The following ZNF451 variants were observed in gnomAD, a reference collection of about 807,000 sequenced individuals.
ZNF451 encodes zinc finger protein 451.
A neutral mutation model predicts 107.1 loss-of-function variants in ZNF451; 80 were observed. That is an observed-to-expected ratio of 0.75 (90% CI 0.62 to 0.90). The LOEUF (loss-of-function observed/expected upper bound fraction) is 0.90. Ranked by LOEUF, ZNF451 falls within the 40% of genes least tolerant of loss-of-function variation. The pLI, the probability that ZNF451 is intolerant of heterozygous loss-of-function variation, is 0.00. For synonymous variants in ZNF451, 362 were observed against 406.5 expected, an observed-to-expected ratio of 0.89 and a Z score of 1.32; for missense variants, 1,107 against 1,236.2, an observed-to-expected ratio of 0.90 and a Z score of 1.57.
intron 4 of ZNF451, 63 bp from the exon 5 acceptor site, chr6:57,128,664 CAA>C (rs138076597): frequency 0.13 from 139,322 of 1,098,974 alleles, 9,718 homozygotes; most frequent in Middle Eastern, 0.19. Context: ...ACTAATGTGT[CAA>C]AATCCTTTTC....
chr6:57,123,098 G>A (rs1830722290), intron 3 of ZNF451, among the ~76,000 whole-genome samples: 1 of 152,192 alleles, frequency 6.6e-6, no homozygotes, highest in African/African-American at 2.4e-5. Flanking sequence ...AGCCTGGCAG[G>A]TCAGGGCTGC....
At chr6:57,142,476 T>G (rs1831819468) in intron 9 of ZNF451, among the ~76,000 whole-genome samples, 1 of 152,036 alleles carries the variant, frequency 6.6e-6, no homozygotes, top group Non-Finnish European at 1.5e-5. Context: ...CAAGAAAGAG[T>G]CCAGTATGAT....
intron 2 of ZNF451, among the ~76,000 whole-genome samples, chr6:57,096,087 G>T (rs574274004): frequency 3.4e-4 from 52 of 151,426 alleles, no homozygotes; most frequent in Non-Finnish European, 5.0e-4. Flanking sequence ...GCCTCCCAAA[G>T]TGCTGAGATT....
At chr6:57,159,896 A>G (rs748146060) in intron 13 of ZNF451, among the ~76,000 whole-genome samples, 3 of 152,168 alleles carry the variant, frequency 2.0e-5, no homozygotes, top group Non-Finnish European at 4.4e-5. Context: ...AAATATGTCT[A>G]TATGATTTGT....
intron 7 of ZNF451, among the ~76,000 whole-genome samples, chr6:57,137,479 C>G (rs1023591343): frequency 3.7e-4 from 57 of 152,264 alleles, no homozygotes; most frequent in African/African-American, 1.4e-3. Context: ...GCCTTAGATT[C>G]ATATTTCTAA....
chr6:57,121,774 G>A (rs1221003892), intron 3 of ZNF451, among the ~76,000 whole-genome samples: 2 of 152,160 alleles, frequency 1.3e-5, no homozygotes, highest in Non-Finnish European at 1.5e-5. Context: ...TGGATGGGAA[G>A]ACTCAATATC....
intron 3 of ZNF451, chr6:57,104,512 A>G (rs1023368613): frequency 1.0e-6 from 1 of 985,342 alleles, no homozygotes; most frequent in Non-Finnish European, 1.2e-6. Flanking sequence ...CTAAACCGAA[A>G]TAAGTTATGC....
intron 13 of ZNF451, among the ~76,000 whole-genome samples, chr6:57,156,054 T>C (rs1365745673): frequency 1.3e-5 from 2 of 151,966 alleles, no homozygotes; most frequent in African/African-American, 2.4e-5. Context: ...TATATGGTTG[T>C]AATAGTTAGT....
intron 3 of ZNF451, chr6:57,105,880 T>TACATTTAA: frequency 1.0e-6 from 1 of 984,414 alleles, no homozygotes; most frequent in South Asian, 4.7e-5. Context: ...TCAGTATAAT[T>TACATTTAA]ACATTTAAAC....
chr6:57,148,805 T>G, intron 10 of ZNF451, 112 bp downstream of exon 10: 1 of 998,394 alleles, frequency 1.0e-6, no homozygotes, highest in Non-Finnish European at 1.4e-6. Context: ...GATGGTATGT[T>G]AATTATTATG....
chr6:57,105,123 T>A (rs1829787466), intron 3 of ZNF451: 2 of 985,434 alleles, frequency 2.0e-6, no homozygotes, highest in East Asian at 1.1e-4. Context: ...TAATAAATCC[T>A]CATATTATGC....
Position 57,103,808 on chromosome 6 carries a change from C to G in ZNF451, c.186+4667C>G, listed in dbSNP as rs115107333. 1.2e-4 allele frequency: 123 copies of G among 985,298 alleles called. No homozygotes were observed. In the African/African-American group the frequency reaches 1.9e-3, roughly 16 times the overall value. The allele number at this position is 985,298 out of a possible 1,614,324, so 61.0% of individuals were successfully genotyped here. On this transcript the variant is annotated intron_variant, in intron 3 of 14. Transcript: ENST00000370706. ...TGCACAGTGGTAATTGATGTTTTCT[C>G]TGGTGCCACACTTTTTAATAATCTA...
At chr6:57,108,484 C>T (rs1231750285) in intron 3 of ZNF451, 2 of 985,138 alleles carry the variant, frequency 2.0e-6, no homozygotes, top group African/African-American at 1.7e-5. Flanking sequence ...GAAATAAAAA[C>T]GTTTCCCCAA....
intron 1 of ZNF451, 132 bp downstream of exon 1, chr6:57,090,406 A>G (rs1423379668): frequency 1.4e-6 from 2 of 1,394,490 alleles, no homozygotes; most frequent in Non-Finnish European, 1.9e-6. Flanking sequence ...GGCCGAGCCC[A>G]GCTCTGGGGC....
intron 2 of ZNF451, among the ~76,000 whole-genome samples, chr6:57,094,225 G>A (rs1014789106): frequency 1.3e-5 from 2 of 152,082 alleles, no homozygotes; most frequent in East Asian, 3.8e-4. Flanking sequence ...AAACTGTTTT[G>A]CCATGCTTCT....
intron 3 of ZNF451, among the ~76,000 whole-genome samples, chr6:57,112,761 G>A (rs1464000402): frequency 2.0e-5 from 3 of 152,088 alleles, no homozygotes; most frequent in African/African-American, 7.2e-5. Context: ...TCACAGAGAG[G>A]TCTAGTGACT....
chr6:57,160,083 C>T (rs1179245014), intron 13 of ZNF451, among the ~76,000 whole-genome samples: 1 of 151,970 alleles, frequency 6.6e-6, no homozygotes, highest in Non-Finnish European at 1.5e-5. Context: ...TAAAGGTGAA[C>T]TTTATTTTTC....
chr6:57,161,580 T>A (rs2127987969), intron 14 of ZNF451, among the ~76,000 whole-genome samples: 1 of 152,048 alleles, frequency 6.6e-6, no homozygotes, highest in South Asian at 2.1e-4. Flanking sequence ...TAATTGTTAC[T>A]TATCTTGAGT....
In ZNF451 at chr6:57,099,063, A is replaced by G. The variant is rs760274597; in HGVS notation, c.108A>G (p.Glu36=). ...ENEDDIQFVS[E]GPLRPVLEYI... ...TAAATTTGCTTGATTGTTTATAGGA[A>G]GGACCATTACGACCTGTTCTTGAAT... The change falls in exon 3 of 15, where the codon GAA becomes GAG. Residue 36 remains glutamate (E), a splice_region_variant and synonymous_variant. Transcript: ENST00000370706. The G allele has an allele frequency of 1.2e-6, 2 of 1,613,026 alleles. No individual in the cohort carries two copies. Among genetic ancestry groups the G allele is most frequent in the African/African-American group, 1.3e-5 (1 of 74,910 alleles).
Sources: allele counts gnomAD v4.1 joint callset (sites outside exome capture counted in the v4.1 genomes callset), GRCh38; gene constraint gnomAD v4.1.1; transcripts MANE v1.5; gene names NCBI Gene and HGNC (gene_info 2026-07-23, HGNC 2026-07-21).